UPB1: variants seen among roughly 807,000 people sequenced by gnomAD.
The protein encoded by UPB1 is beta-ureidopropionase 1, also known as beta-ureidopropionase.
Under a neutral mutation model 49.1 loss-of-function variants are expected in UPB1, and 40 were observed. The ratio of observed to expected loss-of-function variants is 0.81; its 90% confidence interval spans 0.63 to 1.06. UPB1 has a LOEUF of 1.06. Ranked by LOEUF, UPB1 falls within the 50% of genes least tolerant of loss-of-function variation. UPB1 has a pLI of 0.00. For missense variants in UPB1, 499 were observed against 505.9 expected (o/e 0.99, Z 0.13); for synonymous variants, 207 against 198.2 (o/e 1.04, Z -0.38).
In UPB1 at chr22:24,515,345, C is replaced by A. The variant is rs1426811878; in HGVS notation, c.766C>A (p.Pro256Thr). ...CAACGGGGCTGAGATCATCTTCAAC[C>A]CCTCGGCCACGATAGGAGCACTCAG... is the stretch of plus-strand genomic sequence containing the variant. Reference protein sequence around the residue: ...SINGAEIIFNPSATIGALSES... With the variant: ...SINGAEIIFNTSATIGALSES... The change falls in exon 6 of 10, where the codon CCC becomes ACC. Residue 256 changes from proline (P) to threonine (T), a missense_variant. Pro to Thr is a conservative substitution (Grantham distance 38, BLOSUM62 -1). Transcript: ENST00000326010. 1 of 1,614,150 alleles carries A rather than the reference C, an allele frequency of 6.2e-7. No individual in the cohort carries two copies. The highest frequency in any genetic ancestry group is 8.5e-7 in the Non-Finnish European group (1 of 1,180,022).
intron 3 of UPB1, among the ~76,000 whole-genome samples, chr22:24,506,501 G>A (rs765349868): frequency 1.3e-5 from 2 of 152,112 alleles, no homozygotes; most frequent in Non-Finnish European, 2.9e-5. Context: ...GCATCTTTCC[G>A]CCTTCCAGCT....
At chr22:24,495,734 C>G (rs1246869313) in intron 1 of UPB1, among the ~76,000 whole-genome samples, 1 of 152,080 alleles carries the variant, frequency 6.6e-6, no homozygotes, top group African/African-American at 2.4e-5. Context: ...CCACGTTGCC[C>G]AGAACCGGAA....
Position 24,523,695 on chromosome 22 carries a change from C to G in UPB1, c.993C>G (p.Ser331=). The change falls in exon 9 of 10, where the codon TCC becomes TCG. Residue 331 remains serine (S), a synonymous_variant. Coordinates refer to ENST00000326010, the MANE Select transcript of UPB1 (RefSeq NM_016327.3). ...ACAGCAGCCGGACTCCTGGGCTGTCCCGTAGCCGGGATGGACTGCTAGTTG... is the reference window on the plus strand; with the variant it reads ...ACAGCAGCCGGACTCCTGGGCTGTCGCGTAGCCGGGATGGACTGCTAGTTG... ...APDSSRTPGL[S]RSRDGLLVAK... is the part of the protein sequence containing the mutation. The G allele has an allele frequency of 1.2e-6, 2 of 1,614,272 alleles. No individual in the cohort carries two copies. The highest frequency in any genetic ancestry group is 1.7e-6 in the Non-Finnish European group (2 of 1,180,042).
chr22:24,524,760 G>C (rs1327780599), intron 9 of UPB1, among the ~76,000 whole-genome samples: 1 of 152,166 alleles, frequency 6.6e-6, no homozygotes, highest in Non-Finnish European at 1.5e-5. Context: ...AAAATACCAG[G>C]ATTATAGACA....
chr22:24,495,647 G>A (rs1203918043), intron 1 of UPB1, 140 bp downstream of exon 1: 7 of 901,710 alleles, frequency 7.8e-6, no homozygotes, highest in Non-Finnish European at 1.2e-5. Flanking sequence ...AGAGACCATA[G>A]TAGGTCTTGA....
intron 3 of UPB1, among the ~76,000 whole-genome samples, chr22:24,505,812 A>G (rs1010918163): frequency 1.3e-5 from 2 of 151,178 alleles, no homozygotes; most frequent in Non-Finnish European, 2.9e-5. Context: ...TCCTGGATTC[A>G]AGCGATTTTT....
At chr22:24,522,923 A>G (rs2044420792) in intron 8 of UPB1, among the ~76,000 whole-genome samples, 1 of 148,982 alleles carries the variant, frequency 6.7e-6, no homozygotes, top group African/African-American at 2.5e-5. Flanking sequence ...CAGCCTGGGC[A>G]ACAGGAGGGA....
chr22:24,518,361 G>A (rs2044332659), intron 6 of UPB1: 1 of 152,162 alleles, frequency 6.6e-6, no homozygotes, highest in African/African-American at 2.4e-5. Flanking sequence ...AAAAAGACGT[G>A]TTCAGGCTGT....
At chr22:24,520,599 T>G (rs1312856775) in intron 7 of UPB1, 131 bp downstream of exon 7, 8 of 1,009,378 alleles carry the variant, frequency 7.9e-6, no homozygotes, top group Non-Finnish European at 1.2e-5. Context: ...GGTCCGTTAC[T>G]TTTCAAGATA....
chr22:24,502,078 G>A lies in UPB1; in HGVS notation c.277-48G>A, dbSNP rs768545897. On this transcript the variant is annotated intron_variant, in intron 2 of 9. Coordinates refer to ENST00000326010, the MANE Select transcript of UPB1 (RefSeq NM_016327.3). Reference sequence around the variant, plus strand: ...GCATTAGGATGAGATCCTAAAAATTGCCTTACCAATAGAACTAAATGGATT... The same window carrying A: ...GCATTAGGATGAGATCCTAAAAATTACCTTACCAATAGAACTAAATGGATT... 6.3e-6 allele frequency: 10 copies of A among 1,597,026 alleles called. No individual in the cohort carries two copies. The East Asian group carries it at 1.6e-4, about 25-fold the overall frequency.
rs193242671 is a variant in UPB1 at position 24,500,318 on chromosome 22, T to C, written c.276+40T>C. 35 of 1,611,770 alleles carry C rather than the reference T, an allele frequency of 2.2e-5. 1 individual carries two copies. In the Admixed American group the frequency reaches 2.3e-4, roughly 11 times the overall value. ...GACCATAATAAATACACAAACAGGG[T>C]TGTGGCCTGCCCTTGGAGCACACCT... On this transcript the variant is annotated intron_variant, in intron 2 of 9. Coordinates refer to ENST00000326010, the MANE Select transcript of UPB1 (RefSeq NM_016327.3).
intron 4 of UPB1, among the ~76,000 whole-genome samples, chr22:24,512,784 A>C (rs948919807): frequency 1.3e-5 from 2 of 152,160 alleles, no homozygotes; most frequent in Non-Finnish European, 1.5e-5. Context: ...GGAATCATAC[A>C]GTATTTGTCT....
intron 1 of UPB1, among the ~76,000 whole-genome samples, chr22:24,497,172 C>G (rs574958516): frequency 5.9e-5 from 9 of 152,134 alleles, no homozygotes; most frequent in Non-Finnish European, 1.2e-4. Flanking sequence ...GTGAAAAAGG[C>G]AAGTTGAAGA....
chr22:24,521,912 TG>T, intron 7 of UPB1, 73 bp from the exon 8 acceptor site: 1 of 1,511,392 alleles, frequency 6.6e-7, no homozygotes, highest in Non-Finnish European at 9.2e-7. Flanking sequence ...CCTGCTCATC[TG>T]GCTGAGTGAG....
chr22:24,496,386 C>CACACACACACACACACAT (rs1440644301), intron 1 of UPB1, among the ~76,000 whole-genome samples: 2 of 137,556 alleles, frequency 1.5e-5, no homozygotes, highest in Non-Finnish European at 3.1e-5. Flanking sequence ...CACACACACA[C>CACACACACACACACACAT]ACACACACAC....
Position 24,510,846 on chromosome 22 carries a change from A to T in UPB1, c.459+3A>T, listed in dbSNP as rs1430946042. ...CCACCACCAGATTCTGTCAGAAGGT[A>T]GGACATTAACGGTGCCTCTGGCAGC... On this transcript the variant is annotated splice_donor_region_variant and intron_variant, in intron 4 of 9. Transcript: ENST00000326010. The T allele has an allele frequency of 3.7e-6, 6 of 1,614,206 alleles. No individual in the cohort carries two copies. The highest frequency in any genetic ancestry group is 3.4e-6 in the Non-Finnish European group (4 of 1,180,004).
chr22:24,526,853 C>G lies in UPB1; in HGVS notation c.*1059C>G, dbSNP rs2047152214. The G allele has an allele frequency of 6.6e-6, 1 of 152,156 alleles. No individual in the cohort carries two copies. Among genetic ancestry groups the G allele is most frequent in the Non-Finnish European group, 1.5e-5 (1 of 68,032 alleles). The allele number at this position is 152,156 out of a possible 1,614,324, so 9.4% of individuals were successfully genotyped here. On this transcript the variant is annotated 3_prime_UTR_variant, in exon 10 of 10. Transcript: ENST00000326010. The stretch of plus-strand genomic sequence containing the variant: ...CAGCCATCAGTTTGTGCCCAGAGTT[C>G]CAGCCTGCCCTTTCTGATGGCTTGT...
In UPB1 at chr22:24,500,061, C is replaced by T. The variant is rs796748989; in HGVS notation, c.105-46C>T. The T allele has an allele frequency of 1.1e-5, 17 of 1,612,520 alleles. No individual in the cohort carries two copies. In the South Asian group the frequency reaches 1.2e-4, roughly 11 times the overall value. The stretch of plus-strand genomic sequence containing the variant: ...AATGGGAGAGAGATTTTAAGTGGAG[C>T]AGACTGCATCAAAATCCCCTTCCCT... On this transcript the variant is annotated intron_variant, in intron 1 of 9. Coordinates refer to ENST00000326010, the MANE Select transcript of UPB1 (RefSeq NM_016327.3).
At chr22:24,520,850 T>C (rs1463513030) in intron 7 of UPB1, among the ~76,000 whole-genome samples, 1 of 152,194 alleles carries the variant, frequency 6.6e-6, no homozygotes, top group Non-Finnish European at 1.5e-5. Flanking sequence ...AACCAAGGTT[T>C]CTACACTAAG....
Sources: allele counts gnomAD v4.1 joint callset (sites outside exome capture counted in the v4.1 genomes callset), GRCh38; gene constraint gnomAD v4.1.1; transcripts MANE v1.5; gene names NCBI Gene and HGNC (gene_info 2026-07-23, HGNC 2026-07-21).